MDFIC: variants seen among roughly 807,000 people sequenced by gnomAD.
MDFIC encodes the protein MyoD family inhibitor domain containing, also known as myoD family inhibitor domain-containing protein.
In MDFIC, 17 loss-of-function variants were observed where a neutral mutation model predicts 23.2. The ratio of observed to expected loss-of-function variants is 0.73; its 90% CI spans 0.50 to 1.10. The LOEUF is 1.10. Ranked by LOEUF, MDFIC falls within the 50% of genes least tolerant of loss-of-function variation. MDFIC has a pLI of 0.00. For synonymous variants in MDFIC, 120 were observed against 115.2 expected, an observed-to-expected ratio of 1.04 and a Z score of -0.27; for missense variants, 356 against 316.6, an observed-to-expected ratio of 1.12 and a Z score of -0.95.
At chr7:114,957,928 C>G (rs1363189308) in intron 3 of MDFIC, among the ~76,000 whole-genome samples, 1 of 152,096 alleles carries the variant, frequency 6.6e-6, no homozygotes, top group Non-Finnish European at 1.5e-5. Flanking sequence ...TAAGAATAAT[C>G]TGTATCACAA....
At position 114,976,661 on chromosome 7, in the gene MDFIC, C is replaced by A. The variant is rs184728238; in HGVS notation, c.218-2845C>A. On this transcript the variant is annotated intron_variant, in intron 3 of 4. Coordinates refer to ENST00000393486, the MANE Select transcript of MDFIC (RefSeq NM_001166345.3). Reference sequence around the variant, plus strand: ...ATGTTCTATATTAGTTTTTATAAATCAGATATTAATGCTAATAGACTTGGT... The same window carrying A: ...ATGTTCTATATTAGTTTTTATAAATAAGATATTAATGCTAATAGACTTGGT... 5.3e-5 allele frequency among the ~76,000 whole-genome samples: 8 copies of A among 152,110 alleles called. No homozygotes were observed. In the South Asian group the frequency reaches 8.3e-4, roughly 16 times the overall value.
At chr7:114,940,091 C>G (rs534610126) in intron 2 of MDFIC, among the ~76,000 whole-genome samples, 18 of 152,268 alleles carry the variant, frequency 1.2e-4, no homozygotes, top group African/African-American at 3.4e-4. Flanking sequence ...ACTAACATAT[C>G]TCATGAAGAT....
At chr7:114,994,046 A>G (rs942724604) in intron 4 of MDFIC, among the ~76,000 whole-genome samples, 8 of 152,196 alleles carry the variant, frequency 5.3e-5, no homozygotes, top group Non-Finnish European at 7.3e-5. Flanking sequence ...TATTGGGTGC[A>G]TATATATTTA....
chr7:114,966,889 T>G (rs1041379344), intron 3 of MDFIC, among the ~76,000 whole-genome samples: 16 of 152,142 alleles, frequency 1.1e-4, no homozygotes, highest in African/African-American at 3.9e-4. Flanking sequence ...TCTAGGAGAT[T>G]GTTAATGGAC....
At chr7:114,946,061 A>G (rs1792638113) in intron 3 of MDFIC, among the ~76,000 whole-genome samples, 1 of 152,234 alleles carries the variant, frequency 6.6e-6, no homozygotes, top group Non-Finnish European at 1.5e-5. Flanking sequence ...GTGAAGCGAC[A>G]CCATCAATTA....
At chr7:114,992,590 G>A (rs1475428923) in intron 4 of MDFIC, among the ~76,000 whole-genome samples, 3 of 152,122 alleles carry the variant, frequency 2.0e-5, no homozygotes, top group Non-Finnish European at 4.4e-5. Context: ...GGCCTTTTCT[G>A]CATCTTTTGA....
intron 4 of MDFIC, among the ~76,000 whole-genome samples, chr7:114,986,816 A>G (rs1793523170): frequency 1.3e-5 from 2 of 152,304 alleles, no homozygotes; most frequent in East Asian, 1.9e-4. Flanking sequence ...CTATTAATCT[A>G]TTAATCTATT....
At chr7:114,971,257 T>C (rs534911533) in intron 3 of MDFIC, among the ~76,000 whole-genome samples, 2 of 152,338 alleles carry the variant, frequency 1.3e-5, no homozygotes, top group East Asian at 3.9e-4. Flanking sequence ...TATTAACTGC[T>C]GATTTTTCAG....
chr7:114,994,356 G>A (rs1043822266), intron 4 of MDFIC, among the ~76,000 whole-genome samples: 1 of 152,090 alleles, frequency 6.6e-6, no homozygotes, highest in Non-Finnish European at 1.5e-5. Context: ...TACATTTAAG[G>A]TTAATATTGT....
At chr7:114,937,925 G>T (rs1792459355) in intron 2 of MDFIC, among the ~76,000 whole-genome samples, 1 of 152,044 alleles carries the variant, frequency 6.6e-6, no homozygotes, top group Admixed American at 6.6e-5. Context: ...ATTATTAGTA[G>T]AATTGATTAG....
intron 4 of MDFIC, among the ~76,000 whole-genome samples, chr7:115,007,701 T>C (rs1791599447): frequency 6.8e-6 from 1 of 147,022 alleles, no homozygotes; most frequent in African/African-American, 2.6e-5. Context: ...TGGTATAGAG[T>C]CTCACCCTGA....
Position 114,942,264 on chromosome 7 carries a change from T to C in MDFIC, c.95-11T>C, listed in dbSNP as rs756943565. On this transcript the variant is annotated splice_polypyrimidine_tract_variant and intron_variant, in intron 2 of 4. Transcript: ENST00000393486. ...AAATCAATTATATTAAATGTATCTT[T>C]TTTAATTCAGGAAAATGTGATAAAG... 1 of 1,436,092 alleles carries C rather than the reference T, an allele frequency of 7.0e-7. No homozygotes were observed. Among genetic ancestry groups the C allele is most frequent in the South Asian group, 1.4e-5 (1 of 72,418 alleles). The allele number at this position is 1,436,092 out of a possible 1,614,324, so 89.0% of individuals were successfully genotyped here.
intron 2 of MDFIC, among the ~76,000 whole-genome samples, chr7:114,935,040 TTTCCACA>T (rs1792396781): frequency 6.6e-6 from 1 of 152,152 alleles, no homozygotes; most frequent in Non-Finnish European, 1.5e-5. Context: ...ATTAGCAGAA[TTTCCACA>T]TTATTCTGAA....
chr7:114,937,114 A>G (rs1322814286), intron 2 of MDFIC, among the ~76,000 whole-genome samples: 12 of 152,130 alleles, frequency 7.9e-5, no homozygotes, highest in Non-Finnish European at 1.5e-5. Flanking sequence ...AATGCCAACT[A>G]GGTAAAATAT....
chr7:114,922,535 G>C lies in MDFIC; in HGVS notation c.-209G>C, dbSNP rs1792103506. On this transcript the variant is annotated 5_prime_UTR_variant, in exon 1 of 5. Coordinates refer to ENST00000393486, the MANE Select transcript of MDFIC (RefSeq NM_001166345.3). ...GCCGCCGCCGTCGTCAGGCCACCGG[G>C]GCGAAAATGCGGCCGCTGCCGGAGG... 1 of 1,266,048 alleles carries C rather than the reference G, an allele frequency of 7.9e-7. No homozygotes were observed. Among genetic ancestry groups the C allele is most frequent in the East Asian group, 3.0e-5 (1 of 32,850 alleles). 78.4% of individuals were successfully genotyped at this position (1,266,048 alleles called of 1,614,324 possible). A position where few individuals can be genotyped will look rare whatever the true frequency, so the allele number is the denominator to read the frequency against.
At chr7:114,974,376 A>G (rs959690538) in intron 3 of MDFIC, among the ~76,000 whole-genome samples, 1 of 152,090 alleles carries the variant, frequency 6.6e-6, no homozygotes, top group Non-Finnish European at 1.5e-5. Context: ...CCTGGGCACC[A>G]GTAAAAGCTT....
intron 3 of MDFIC, among the ~76,000 whole-genome samples, chr7:114,949,418 A>G (rs192859983): frequency 5.1e-4 from 77 of 152,328 alleles, no homozygotes; most frequent in Admixed American, 3.1e-3. Context: ...AATAACATTT[A>G]ATGATCAAGA....
chr7:114,939,086 T>C (rs1792490041), intron 2 of MDFIC, among the ~76,000 whole-genome samples: 1 of 150,150 alleles, frequency 6.7e-6, no homozygotes, highest in Non-Finnish European at 1.5e-5. Flanking sequence ...TTCAGTGTTA[T>C]ATGTAACTGC....
intron 4 of MDFIC, among the ~76,000 whole-genome samples, chr7:114,990,332 T>C (rs936421698): frequency 6.6e-6 from 1 of 152,112 alleles, no homozygotes; most frequent in South Asian, 2.1e-4. Flanking sequence ...AACAAGATCC[T>C]GTTAGCACTG....
Sources: gnomAD v4.1 joint callset for allele counts (sites outside exome capture counted in the v4.1 genomes callset) on GRCh38, gnomAD v4.1.1 for gene constraint, MANE v1.5 for transcripts, NCBI Gene and HGNC (gene_info 2026-07-23, HGNC 2026-07-21) for gene names.